The following GNAQ variants were observed in gnomAD, a reference collection of about 807,000 sequenced individuals.
GNAQ encodes the protein guanine nucleotide-binding protein G(q) subunit alpha.
GNAQ carries 8 observed loss-of-function variants against 43.9 expected under a neutral mutation model. That is an observed-to-expected ratio of 0.18 (90% CI 0.11 to 0.33). The LOEUF (loss-of-function observed/expected upper bound fraction) is 0.33, where lower values mean the gene tolerates loss of function less well. Among genes scored for constraint, GNAQ ranks in the 10% least tolerant of loss-of-function variants. GNAQ has a pLI of 1.00. For synonymous variants in GNAQ, 155 were observed against 170.7 expected (o/e 0.91, Z 0.71); for missense variants, 158 against 450.8 (o/e 0.35, Z 5.88).
rs1479179293 is a variant in GNAQ at position 78,022,546 on chromosome 9, A to C, written c.136+8554T>G. Reference sequence around the variant, plus strand: ...TTTAGCCAAAAATAAAAAATAAAAAACTTTCACAAAATTAGTCTGCCATTG... The same window carrying C: ...TTTAGCCAAAAATAAAAAATAAAAACCTTTCACAAAATTAGTCTGCCATTG... On this transcript the variant is annotated intron_variant, in intron 1 of 6. Transcript: ENST00000286548. Among the ~76,000 whole-genome samples the C allele has an allele frequency of 4.6e-5, 7 of 152,300 alleles. No individual in the cohort carries two copies. The East Asian group carries it at 1.4e-3, about 29-fold the overall frequency.
chr9:77,913,678 C>T (rs967371194), intron 2 of GNAQ, among the ~76,000 whole-genome samples: 2 of 152,122 alleles, frequency 1.3e-5, no homozygotes, highest in African/African-American at 4.8e-5. Context: ...TTCATTCATA[C>T]CAAGATCAAA....
rs555118422 is a variant in GNAQ at position 77,804,396 on chromosome 9, G to A, written c.477-6748C>T. Among the ~76,000 whole-genome samples, 145 of 152,198 alleles carry A rather than the reference G, an allele frequency of 9.5e-4. 1 individual carries two copies. The highest frequency in any genetic ancestry group is 3.2e-3 in the African/African-American group (132 of 41,518). ...ATAAATTTTATAAGCCAGGTGTGGCGGCATGTGCCTACAGTCCCAGCTACT... is the reference window on the plus strand; with the variant it reads ...ATAAATTTTATAAGCCAGGTGTGGCAGCATGTGCCTACAGTCCCAGCTACT... On this transcript the variant is annotated intron_variant, in intron 3 of 6. Coordinates refer to ENST00000286548, the MANE Select transcript of GNAQ (RefSeq NM_002072.5).
At chr9:77,790,802 T>C (rs1201897849) in intron 5 of GNAQ, among the ~76,000 whole-genome samples, 1 of 152,228 alleles carries the variant, frequency 6.6e-6, no homozygotes, top group African/African-American at 2.4e-5. Context: ...GCCACAGGCC[T>C]TCATCTCTTC....
intron 1 of GNAQ, among the ~76,000 whole-genome samples, chr9:77,989,926 A>G (rs1053755160): frequency 6.6e-6 from 1 of 152,202 alleles, no homozygotes; most frequent in Non-Finnish European, 1.5e-5. Flanking sequence ...TTTCATCATA[A>G]GTGTAATATA....
chr9:77,773,914 T>G (rs981748982), intron 5 of GNAQ, among the ~76,000 whole-genome samples: 5 of 152,192 alleles, frequency 3.3e-5, no homozygotes, highest in African/African-American at 9.6e-5. Context: ...AAAGTGATAT[T>G]ATAGAATAAC....
chr9:77,972,722 G>A (rs570561177), intron 1 of GNAQ, among the ~76,000 whole-genome samples: 2 of 152,174 alleles, frequency 1.3e-5, no homozygotes, highest in African/African-American at 4.8e-5. Context: ...GGGAGGCCGA[G>A]GCGGGTGGAT....
At position 77,889,410 on chromosome 9, in the gene GNAQ, C is replaced by CAAAAAAA. The variant is rs58496646; in HGVS notation, c.321+32744_321+32750dup. On this transcript the variant is annotated intron_variant, in intron 2 of 6. Coordinates refer to ENST00000286548, the MANE Select transcript of GNAQ (RefSeq NM_002072.5). Reference sequence around the variant, plus strand: ...TGGGCGACAAAGCCAGACCCTGTCTCAAAAAAAAAAAAAAAAAAAAAAAAA... The same window carrying CAAAAAAA: ...TGGGCGACAAAGCCAGACCCTGTCTCAAAAAAAAAAAAAAAAAAAAAAAAAAAAAAAA... Among the ~76,000 whole-genome samples, 69 of 48,062 alleles carry CAAAAAAA rather than the reference C, an allele frequency of 1.4e-3. 3 individuals are homozygous for CAAAAAAA. Among genetic ancestry groups the CAAAAAAA allele is most frequent in the East Asian group, 4.4e-3 (4 of 900 alleles). 31.5% of individuals were successfully genotyped at this position (48,062 alleles called of 152,430 possible).
intron 1 of GNAQ, among the ~76,000 whole-genome samples, chr9:78,001,146 C>T (rs750975278): frequency 4.6e-5 from 7 of 152,086 alleles, no homozygotes; most frequent in Non-Finnish European, 5.9e-5. Flanking sequence ...CCTGTAAATC[C>T]TAACACTCTG....
intron 1 of GNAQ, among the ~76,000 whole-genome samples, chr9:77,939,914 G>A (rs1176204558): frequency 1.3e-5 from 2 of 152,018 alleles, no homozygotes; most frequent in East Asian, 3.9e-4. Context: ...GTTCTGATTG[G>A]GTTACCTCAC....
chr9:77,898,534 T>C (rs1295312217), intron 2 of GNAQ, among the ~76,000 whole-genome samples: 1 of 152,160 alleles, frequency 6.6e-6, no homozygotes, highest in African/African-American at 2.4e-5. Context: ...CTGTTAGTTA[T>C]AGATGCACTG....
intron 1 of GNAQ, among the ~76,000 whole-genome samples, chr9:77,993,069 A>C (rs1823528403): frequency 6.6e-6 from 1 of 152,236 alleles, no homozygotes. Context: ...TAAAATATCT[A>C]TCTTAATGGT....
At chr9:77,801,862 G>A (rs188453180) in intron 3 of GNAQ, among the ~76,000 whole-genome samples, 10 of 152,248 alleles carry the variant, frequency 6.6e-5, no homozygotes, top group African/African-American at 2.4e-4. Context: ...TGTGAAGCAG[G>A]TAAAATTTAT....
At chr9:77,989,269 C>T (rs903430280) in intron 1 of GNAQ, among the ~76,000 whole-genome samples, 4 of 152,164 alleles carry the variant, frequency 2.6e-5, no homozygotes, top group Non-Finnish European at 4.4e-5. Context: ...ACCCAACATC[C>T]CCTCTCCATT....
intron 2 of GNAQ, among the ~76,000 whole-genome samples, chr9:77,879,584 T>C (rs1362964427): frequency 6.6e-6 from 1 of 152,370 alleles, no homozygotes; most frequent in Admixed American, 6.5e-5. Context: ...GTATGAGTAA[T>C]ATCTGTCCAG....
chr9:77,932,005 T>C (rs1829160254), intron 1 of GNAQ, among the ~76,000 whole-genome samples: 1 of 152,210 alleles, frequency 6.6e-6, no homozygotes, highest in Non-Finnish European at 1.5e-5. Flanking sequence ...AATATTTTAA[T>C]GCAATACTTT....
intron 2 of GNAQ, among the ~76,000 whole-genome samples, chr9:77,863,820 T>C (rs932914309): frequency 6.6e-6 from 1 of 152,054 alleles, no homozygotes; most frequent in Admixed American, 6.6e-5. Context: ...CAGGGGAAAC[T>C]CCAGTATTTA....
At chr9:77,861,603 G>T (rs1406757835) in intron 2 of GNAQ, among the ~76,000 whole-genome samples, 1 of 152,080 alleles carries the variant, frequency 6.6e-6, no homozygotes, top group Non-Finnish European at 1.5e-5. Context: ...CCAAAACAAA[G>T]GGCTACAGGC....
intron 5 of GNAQ, among the ~76,000 whole-genome samples, chr9:77,761,045 G>A (rs1447722303): frequency 6.0e-5 from 9 of 151,252 alleles, no homozygotes; most frequent in Middle Eastern, 3.5e-3. Context: ...GAGCCCCTCC[G>A]CCCGGCAGCC....
At chr9:77,907,445 G>A (rs1828728085) in intron 2 of GNAQ, among the ~76,000 whole-genome samples, 1 of 152,160 alleles carries the variant, frequency 6.6e-6, no homozygotes, top group Non-Finnish European at 1.5e-5. Flanking sequence ...TGCCTTGACT[G>A]CACATTAAAG....
Sources: allele counts gnomAD v4.1 joint callset (sites outside exome capture counted in the v4.1 genomes callset), GRCh38; gene constraint gnomAD v4.1.1; transcripts MANE v1.5; gene names NCBI Gene and HGNC (gene_info 2026-07-23, HGNC 2026-07-21).